The following ARHGEF37 variants were observed in gnomAD, a reference collection of about 807,000 sequenced individuals.
The protein encoded by ARHGEF37 is Rho guanine nucleotide exchange factor 37, also known as Rho guanine nucleotide exchange factor (GEF) 37.
In ARHGEF37, 55 loss-of-function variants were observed where a neutral mutation model predicts 71.1. The observed-to-expected ratio is 0.77, with a 90% CI of 0.62 to 0.97. The LOEUF is 0.97. ARHGEF37 is among the 50% of genes least tolerant of loss of function. ARHGEF37 has a pLI of 0.00. For missense variants in ARHGEF37, 765 were observed against 836.8 expected, an observed-to-expected ratio of 0.91 and a Z score of 1.06; for synonymous variants, 327 against 350.6, an observed-to-expected ratio of 0.93 and a Z score of 0.75.
intron 3 of ARHGEF37, 76 bp downstream of exon 3, chr5:149,601,307 T>C: frequency 1.3e-6 from 2 of 1,512,530 alleles, no homozygotes; most frequent in South Asian, 1.3e-5. Context: ...ACTGCTTAAC[T>C]GTCTCCAGAG....
intron 1 of ARHGEF37, among the ~76,000 whole-genome samples, chr5:149,594,639 G>A (rs1165359240): frequency 6.6e-6 from 1 of 152,206 alleles, no homozygotes; most frequent in African/African-American, 2.4e-5. Context: ...GAGGATACAA[G>A]ATGAATAGGT....
chr5:149,591,779 C>G (rs980599038), intron 1 of ARHGEF37, among the ~76,000 whole-genome samples: 3 of 152,232 alleles, frequency 2.0e-5, no homozygotes, highest in Middle Eastern at 3.4e-3. Flanking sequence ...ATATTGAACA[C>G]TTTGTTATAA....
intron 1 of ARHGEF37, among the ~76,000 whole-genome samples, chr5:149,557,668 C>T (rs777009635): frequency 2.6e-5 from 4 of 152,156 alleles, no homozygotes; most frequent in Non-Finnish European, 5.9e-5. Context: ...TTTAGCCTCC[C>T]ATCCAGGAGG....
At chr5:149,571,567 T>C (rs976674151) in intron 1 of ARHGEF37, among the ~76,000 whole-genome samples, 2 of 152,262 alleles carry the variant, frequency 1.3e-5, no homozygotes, top group East Asian at 1.9e-4. Flanking sequence ...TATCACCAAA[T>C]TGATCCACAG....
At chr5:149,608,714 A>G (rs935590817) in intron 3 of ARHGEF37, among the ~76,000 whole-genome samples, 5 of 152,070 alleles carry the variant, frequency 3.3e-5, no homozygotes, top group Admixed American at 6.6e-5. Flanking sequence ...GAAAATAGAG[A>G]GCTAGAGGAG....
intron 1 of ARHGEF37, among the ~76,000 whole-genome samples, chr5:149,559,225 G>T (rs1459000905): frequency 6.6e-6 from 1 of 152,180 alleles, no homozygotes; most frequent in Non-Finnish European, 1.5e-5. Flanking sequence ...GGTGGCTGAG[G>T]CAGGAGAATT....
At chr5:149,631,768 G>C (rs920245104) in intron 12 of ARHGEF37, among the ~76,000 whole-genome samples, 3 of 152,220 alleles carry the variant, frequency 2.0e-5, no homozygotes, top group Non-Finnish European at 2.9e-5. Flanking sequence ...AAACCCAGTA[G>C]AGTGCTAGGA....
intron 3 of ARHGEF37, among the ~76,000 whole-genome samples, chr5:149,607,713 C>T (rs1284617757): frequency 1.4e-5 from 2 of 145,302 alleles, no homozygotes; most frequent in Non-Finnish European, 3.0e-5. Flanking sequence ...GTGGATCTCA[C>T]AAAGTACATT....
In ARHGEF37 at chr5:149,621,720, T is replaced by C. The variant is rs78820823; in HGVS notation, c.1006-13T>C. On this transcript the variant is annotated splice_polypyrimidine_tract_variant and intron_variant, in intron 8 of 12. Transcript: ENST00000333677. Reference sequence around the variant, plus strand: ...CCTCCTTTCCCGACTCCCACGCTCATGTCTCCCCACAGAAGCAACGGCTAG... The same window carrying C: ...CCTCCTTTCCCGACTCCCACGCTCACGTCTCCCCACAGAAGCAACGGCTAG... 0.16 allele frequency: 252,700 copies of C among 1,602,788 alleles called. 21,330 individuals carry two copies. Among genetic ancestry groups the C allele is most frequent in the East Asian group, 0.3 (13,577 of 44,700 alleles).
intron 1 of ARHGEF37, among the ~76,000 whole-genome samples, chr5:149,563,280 C>A (rs1762859320): frequency 6.6e-6 from 1 of 152,104 alleles, no homozygotes; most frequent in Admixed American, 6.5e-5. Flanking sequence ...ACCCACCAGC[C>A]TTTCTACACC....
At chr5:149,580,539 G>T (rs1033711669), upstream of ARHGEF37, among the ~76,000 whole-genome samples, 1 of 152,132 alleles carries the variant, frequency 6.6e-6, no homozygotes, top group Admixed American at 6.5e-5. Flanking sequence ...TCACTTAGTA[G>T]TTGTGTGTCA....
intron 5 of ARHGEF37, 74 bp from the exon 6 acceptor site, chr5:149,618,102 C>A (rs1752426682): frequency 6.3e-7 from 1 of 1,586,062 alleles, no homozygotes; most frequent in Non-Finnish European, 8.6e-7. Flanking sequence ...AGGTGCCCAG[C>A]CGGGCATGTC....
chr5:149,610,944 G>A (rs1303199303), intron 4 of ARHGEF37, among the ~76,000 whole-genome samples: 1 of 152,254 alleles, frequency 6.6e-6, no homozygotes, highest in Non-Finnish European at 1.5e-5. Context: ...GGTGTACTCA[G>A]TAAATGTTCT....
chr5:149,627,143 A>C lies in ARHGEF37; in HGVS notation c.1532A>C (p.Tyr511Ser). 6.2e-7 allele frequency: 1 copy of C among 1,614,144 alleles called. No homozygotes were observed. Among genetic ancestry groups the C allele is most frequent in the Non-Finnish European group, 8.5e-7 (1 of 1,180,042 alleles). The change falls in exon 11 of 13, where the codon TAC (tyrosine) becomes TCC (serine). Residue 511 changes from tyrosine (Y) to serine (S), a missense_variant. This residue lies in a region of ARHGEF37 where 390 missense variants were observed against 407.4 expected (regional missense o/e 0.96). Transcript: ENST00000333677. ...AGCAGGTATGGCCCTGGGAAGCTGTACCAGGTGACAAGCAACATCAGTGGG... is the reference window on the plus strand; with the variant it reads ...AGCAGGTATGGCCCTGGGAAGCTGTCCCAGGTGACAAGCAACATCAGTGGG... ...LLSRYGPGKLYQVTSNISGTG... is the reference protein window; with the variant it reads ...LLSRYGPGKLSQVTSNISGTG...
At chr5:149,611,917 G>C (rs1423466839) in intron 4 of ARHGEF37, among the ~76,000 whole-genome samples, 1 of 152,014 alleles carries the variant, frequency 6.6e-6, no homozygotes, top group East Asian at 1.9e-4. Context: ...CAGTATAATG[G>C]CTTCACTAAG....
chr5:149,624,149 C>A lies in ARHGEF37; in HGVS notation c.1464+9C>A, dbSNP rs1345625165. 2 of 1,603,336 alleles carry A rather than the reference C, an allele frequency of 1.2e-6. No homozygotes were observed. The highest frequency in any genetic ancestry group is 1.7e-5 in the Admixed American group (1 of 59,820). On this transcript the variant is annotated intron_variant, in intron 10 of 12. Transcript: ENST00000333677. ...CACCTCCCACCACACAAGTAAGCATCCTTCCTCCACCCCAAAGACTGTCCA... is the reference window on the plus strand; with the variant it reads ...CACCTCCCACCACACAAGTAAGCATACTTCCTCCACCCCAAAGACTGTCCA...
intron 1 of ARHGEF37, among the ~76,000 whole-genome samples, chr5:149,587,492 A>T (rs1045024071): frequency 6.6e-6 from 1 of 152,214 alleles, no homozygotes. Context: ...AAGAAAGGTT[A>T]TATAAATATC....
In ARHGEF37 at chr5:149,634,894, G is replaced by A. The variant is rs1020514595; in HGVS notation, c.*2703G>A. 2 of 152,230 alleles carry A rather than the reference G, an allele frequency of 1.3e-5. No individual in the cohort carries two copies. The highest frequency in any genetic ancestry group is 4.8e-5 in the African/African-American group (2 of 41,414). 9.4% of individuals were successfully genotyped at this position (152,230 alleles called of 1,614,324 possible). A position where few individuals can be genotyped will look rare whatever the true frequency, so the allele number is the denominator to read the frequency against. On this transcript the variant is annotated 3_prime_UTR_variant, in exon 13 of 13. Transcript: ENST00000333677. ...TCAAAAGAAAGATGAATGAATTCTT[G>A]GTTAATATGACGAACCCCAGCTCAA...
upstream of ARHGEF37, among the ~76,000 whole-genome samples, chr5:149,577,008 A>C (rs1763035482): frequency 6.6e-6 from 1 of 152,176 alleles, no homozygotes; most frequent in African/African-American, 2.4e-5. Flanking sequence ...CTCAAAACTT[A>C]CGTTCTAGAC....
Sources: gnomAD v4.1 joint callset for allele counts (sites outside exome capture counted in the v4.1 genomes callset) on GRCh38, gnomAD v4.1.1 for gene constraint, gnomAD v4.1.1 regional missense constraint, MANE v1.5 for transcripts, NCBI Gene and HGNC (gene_info 2026-07-23, HGNC 2026-07-21) for gene names.